KMT2D: variants seen among roughly 807,000 people sequenced by gnomAD.
The protein encoded by KMT2D is lysine methyltransferase 2D, also known as histone-lysine N-methyltransferase 2D.
In KMT2D, 55 loss-of-function variants were observed where a neutral mutation model predicts 512.7. The ratio of observed to expected loss-of-function variants is 0.11; its 90% confidence interval spans 0.09 to 0.13. The LOEUF (loss-of-function observed/expected upper bound fraction) is 0.13, where lower values mean the gene tolerates loss of function less well. Ranked by LOEUF, KMT2D falls within the 10% of genes least tolerant of loss-of-function variation. KMT2D has a pLI of 1.00. For synonymous variants in KMT2D, 2,995 were observed against 2,904.0 expected (o/e 1.03, Z -1.01); for missense variants, 6,061 against 7,127.9 (o/e 0.85, Z 5.39).
Position 49,026,411 on chromosome 12 carries a change from G to C in KMT2D, c.15555C>G (p.Phe5185Leu), listed in dbSNP as rs575965702. The C allele has an allele frequency of 6.2e-7, 1 of 1,613,932 alleles. No individual in the cohort carries two copies. Among genetic ancestry groups the C allele is most frequent in the Non-Finnish European group, 8.5e-7 (1 of 1,179,850 alleles). The change falls in exon 49 of 55, where the codon TTC (phenylalanine) becomes TTG (leucine). Residue 5185 changes from phenylalanine to leucine, a missense_variant. Phe to Leu is a conservative substitution (Grantham distance 22). Transcript: ENST00000301067. This position sits in a 1 kb window ranked among gnomAD's most constrained non-coding sequence, Gnocchi z 9.6. ...GAGGCAGCAGCTGTCCGATGGCGTG[G>C]AACACAAGGCCCCCCACACGGAACA... The part of the protein sequence containing the change: ...LHMFRVGGLV[F>L]HAIGQLLPHQ...
rs750444806 is a variant in KMT2D at position 49,052,204 on chromosome 12, G to A, written c.1479C>T (p.Pro493=). Residue 493 remains proline (P), a synonymous_variant, in exon 11 of 55, where the codon CCC becomes CCT. Transcript: ENST00000301067. ...LHLSRPLEES[P]LSPPPEESPL... is the part of the protein sequence containing the mutation. Reference sequence around the variant, plus strand: ...GAGACTCCTCAGGCGGCGGAGAGAGGGGCGATTCCTCCAGCGGCCGGGACA... The same window carrying A: ...GAGACTCCTCAGGCGGCGGAGAGAGAGGCGATTCCTCCAGCGGCCGGGACA... 5 of 1,613,116 alleles carry A rather than the reference G, an allele frequency of 3.1e-6. No individual in the cohort carries two copies. Among genetic ancestry groups the A allele is most frequent in the South Asian group, 2.2e-5 (2 of 91,056 alleles).
chr12:49,025,810 T>A (rs1942550232), intron 49 of KMT2D, among the ~76,000 whole-genome samples: 4 of 152,182 alleles, frequency 2.6e-5, no homozygotes, highest in Admixed American at 1.3e-4. Flanking sequence ...TCATTAACAC[T>A]AAAACTAAAA....
chr12:49,045,659 A>G (rs937599507), intron 19 of KMT2D, among the ~76,000 whole-genome samples: 1 of 151,908 alleles, frequency 6.6e-6, no homozygotes, highest in Admixed American at 6.6e-5. Context: ...AAAAAAAAAA[A>G]AAGAGATCTG....
rs398123724 is a variant in KMT2D at position 49,026,824 on chromosome 12, G to A, written c.15142C>T (p.Arg5048Cys). ...EGDGATDGPA[R>C]LLNLDLDLWV... ...AGGTCCAGGTCCAGGTTCAGCAGACGGGCAGGCCCATCAGTGGCCCCGTCA... is the reference window on the plus strand; with the variant it reads ...AGGTCCAGGTCCAGGTTCAGCAGACAGGCAGGCCCATCAGTGGCCCCGTCA... Residue 5048 changes from arginine to cysteine, a missense_variant, in exon 49 of 55, where the codon CGT becomes TGT. By Grantham distance (180) the Arg-to-Cys change is radical (BLOSUM62 -3). Around this residue, in one of 16 missense-constraint regions of KMT2D, gnomAD observed 14 missense variants for 53.4 expected, o/e 0.26. Coordinates refer to ENST00000301067, the MANE Select transcript of KMT2D (RefSeq NM_003482.4). The surrounding 1 kb of genome is among the most constrained non-coding windows in gnomAD (Gnocchi z 9.6). 6.2e-7 allele frequency: 1 copy of A among 1,613,328 alleles called. No homozygotes were observed. The highest frequency in any genetic ancestry group is 8.5e-7 in the Non-Finnish European group (1 of 1,179,348).
chr12:49,058,024 T>C (rs1352304882), intron 1 of KMT2D, among the ~76,000 whole-genome samples: 1 of 152,112 alleles, frequency 6.6e-6, no homozygotes, highest in African/African-American at 2.4e-5. Flanking sequence ...AAGGGGGAAA[T>C]GGACGCTTGG....
Position 49,022,869 on chromosome 12 carries a change from A to G in KMT2D, c.16059T>C (p.His5353=), listed in dbSNP as rs2137707891. Residue 5353 remains histidine, a synonymous_variant, in exon 52 of 55, where the codon CAT becomes CAC. Transcript: ENST00000301067. The surrounding 1 kb of genome is among the most constrained non-coding windows in gnomAD (Gnocchi z 8.6). ...PKILTHYKRP[H]TLNSTSMSKA... is the part of the protein sequence containing the mutation. ...TAGACATGCTGGTGCTGTTCAGGGT[A>G]TGGGGCCTGGGAGGTGATATAATCC... The G allele has an allele frequency of 1.3e-6, 2 of 1,595,404 alleles. No homozygotes were observed. Among genetic ancestry groups the G allele is most frequent in the Non-Finnish European group, 1.7e-6 (2 of 1,168,060 alleles).
rs1368185449 is a variant in KMT2D, at chr12:49,051,677, G to A, written c.2006C>T (p.Ser669Phe). 1.9e-6 allele frequency: 3 copies of A among 1,577,668 alleles called. No homozygotes were observed. The highest frequency in any genetic ancestry group is 2.6e-6 in the Non-Finnish European group (3 of 1,159,690). Residue 669 changes from serine (S) to phenylalanine (F), a missense_variant, in exon 11 of 55, where the codon TCT (serine) becomes TTT (phenylalanine). Coordinates refer to ENST00000301067, the MANE Select transcript of KMT2D (RefSeq NM_003482.4). ...VSRLSPPPEE[S>F]PLSPPPEESP... ...CTCCTCAGGCGGTGGGGACAAGGGA[G>A]ATTCCTCAGGCGGTGGAGACAGGCG...
Position 49,022,939 on chromosome 12 carries a change from T to G in KMT2D, c.16053-64A>C. On this transcript the variant is annotated intron_variant, in intron 51 of 54. Coordinates refer to ENST00000301067, the MANE Select transcript of KMT2D (RefSeq NM_003482.4). This position sits in a 1 kb window ranked among gnomAD's most constrained non-coding sequence, Gnocchi z 8.6. ...TCAGACCAAGTACATACCACCCACC[T>G]CCTCTGCCACCTCCTGGGATGTGCA... 2 of 1,460,728 alleles carry G rather than the reference T, an allele frequency of 1.4e-6. No homozygotes were observed. The highest frequency in any genetic ancestry group is 2.8e-5 in the South Asian group (2 of 71,786). The allele number at this position is 1,460,728 out of a possible 1,614,324, so 90.5% of individuals were successfully genotyped here. A position where few individuals can be genotyped will look rare whatever the true frequency, so the allele number is the denominator to read the frequency against.
chr12:49,043,622 C>G lies in KMT2D; in HGVS notation c.5467+13G>C, dbSNP rs2120570992. Reference sequence around the variant, plus strand: ...TTGGATTCTCTCACACCACTCACTCCCACATAACTAACCTTTCTGCGATGT... The same window carrying G: ...TTGGATTCTCTCACACCACTCACTCGCACATAACTAACCTTTCTGCGATGT... On this transcript the variant is annotated intron_variant, in intron 24 of 54. Transcript: ENST00000301067. 1 of 1,613,818 alleles carries G rather than the reference C, an allele frequency of 6.2e-7. No individual in the cohort carries two copies. Among genetic ancestry groups the G allele is most frequent in the Admixed American group, 1.7e-5 (1 of 60,004 alleles).
rs759084640 is a variant in KMT2D, at chr12:49,029,166, C to G, written c.14146G>C (p.Gly4716Arg). Residue 4716 changes from glycine to arginine, a missense_variant, in exon 45 of 55, where the codon GGG becomes CGG. Transcript: ENST00000301067. The stretch of plus-strand genomic sequence containing the variant: ...TGAGGGAAACGAGGGGCCTCCTCCC[C>G]CAAGATGCTCTCAGGGGATGAAGCT... ...VPASSPESILGEEAPRFPHLG... is the reference protein window; with the variant it reads ...VPASSPESILREEAPRFPHLG... 6.2e-6 allele frequency: 10 copies of G among 1,613,908 alleles called. No homozygotes were observed. The highest frequency in any genetic ancestry group is 1.1e-5 in the South Asian group (1 of 91,074).
rs2120664025 is a variant in KMT2D, at chr12:49,051,146, G to A, written c.2537C>T (p.Pro846Leu). 1 of 1,519,348 alleles carries A rather than the reference G, an allele frequency of 6.6e-7. No homozygotes were observed. Among genetic ancestry groups the A allele is most frequent in the East Asian group, 2.3e-5 (1 of 44,190 alleles). The allele number at this position is 1,519,348 out of a possible 1,614,324, so 94.1% of individuals were successfully genotyped here. A position where few individuals can be genotyped will look rare whatever the true frequency, so the allele number is the denominator to read the frequency against. The change falls in exon 11 of 55, where the codon CCT (proline) becomes CTT (leucine). Residue 846 changes from proline to leucine, a missense_variant. Transcript: ENST00000301067. ...QSEEPCLSPR[P>L]EESHLSPELE... The stretch of plus-strand genomic sequence containing the variant: ...CTCAGGGGACAGATGCGATTCCTCA[G>A]GCCGGGGGGACAGGCATGGCTCCTC...
At position 49,049,157 on chromosome 12, in the gene KMT2D, C is replaced by T. The variant is rs201530748; in HGVS notation, c.3968G>A (p.Gly1323Asp). Reference sequence around the variant, plus strand: ...TGACTTTAGCCGGGCCCGTCCTCTACCACGTCCTCCATGGGCTCCTCCACG... The same window carrying T: ...TGACTTTAGCCGGGCCCGTCCTCTATCACGTCCTCCATGGGCTCCTCCACG... ...RPRGGAHGGRGRGRARLKSTA... is the reference protein window; with the variant it reads ...RPRGGAHGGRDRGRARLKSTA... The change falls in exon 13 of 55, where the codon GGT becomes GAT. Residue 1323 changes from glycine (G) to aspartate (D), a missense_variant. Coordinates refer to ENST00000301067, the MANE Select transcript of KMT2D (RefSeq NM_003482.4). 1 of 1,612,012 alleles carries T rather than the reference C, an allele frequency of 6.2e-7. No homozygotes were observed. Among genetic ancestry groups the T allele is most frequent in the East Asian group, 2.2e-5 (1 of 44,854 alleles).
In KMT2D at chr12:49,046,044, T is replaced by C; in HGVS notation, c.4693+21A>G. On this transcript the variant is annotated intron_variant, in intron 18 of 54. Coordinates refer to ENST00000301067, the MANE Select transcript of KMT2D (RefSeq NM_003482.4). The surrounding 1 kb of genome is among the most constrained non-coding windows in gnomAD (Gnocchi z 4.2). ...GTACCCCTGCTCTGACTCCTCCCCC[T>C]ACCCAGCAGCTGGTACTCACCCACA... 2 of 1,611,622 alleles carry C rather than the reference T, an allele frequency of 1.2e-6. No homozygotes were observed. The highest frequency in any genetic ancestry group is 1.7e-6 in the Non-Finnish European group (2 of 1,178,526).
At chr12:49,035,119 G>C (rs1248082695) in intron 35 of KMT2D, among the ~76,000 whole-genome samples, 184 bp from the exon 36 acceptor site, 1 of 152,142 alleles carries the variant, frequency 6.6e-6, no homozygotes, top group Non-Finnish European at 1.5e-5. Flanking sequence ...GGACATGTGG[G>C]CCTGTTTTTA....
In KMT2D at chr12:49,051,128, G is replaced by A. The variant is rs1390987389; in HGVS notation, c.2555C>T (p.Ser852Phe). The stretch of plus-strand genomic sequence containing the variant: ...CAGGGGTGGCTTCTCAAGCTCAGGG[G>A]ACAGATGCGATTCCTCAGGCCGGGG... ...LSPRPEESHL[S>F]PELEKPPLSP... is the part of the protein sequence containing the mutation. The change falls in exon 11 of 55, where the codon TCC becomes TTC. Residue 852 changes from serine to phenylalanine, a missense_variant. By Grantham distance (155) the Ser-to-Phe change is radical (BLOSUM62 -2). Around this residue, in one of 16 missense-constraint regions of KMT2D, gnomAD observed 848 missense variants for 838.5 expected, o/e 1.01. Transcript: ENST00000301067. 5 of 1,521,708 alleles carry A rather than the reference G, an allele frequency of 3.3e-6. No individual in the cohort carries two copies. The highest frequency in any genetic ancestry group is 1.3e-5 in the South Asian group (1 of 75,626). 94.3% of individuals were successfully genotyped at this position (1,521,708 alleles called of 1,614,324 possible). A position where few individuals can be genotyped will look rare whatever the true frequency, so the allele number is the denominator to read the frequency against.
chr12:49,020,485 G>GT lies in KMT2D; in HGVS notation c.*1294dup, dbSNP rs1243878761. 1 of 198,746 alleles carries GT rather than the reference G, an allele frequency of 5.0e-6. No individual in the cohort carries two copies. The highest frequency in any genetic ancestry group is 7.6e-5 in the East Asian group (1 of 13,142). 12.3% of individuals were successfully genotyped at this position (198,746 alleles called of 1,614,324 possible). On this transcript the variant is annotated 3_prime_UTR_variant, in exon 55 of 55. Transcript: ENST00000301067. Reference sequence around the variant, plus strand: ...GTTTTACATTTGCTCTCCCCGGGGGGTGGGGGGAGAGGGGAGGGTTCTCAC... The same window carrying GT: ...GTTTTACATTTGCTCTCCCCGGGGGGTTGGGGGGAGAGGGGAGGGTTCTCAC...
intron 51 of KMT2D, among the ~76,000 whole-genome samples, chr12:49,023,843 A>G (rs1443995590): frequency 1.3e-5 from 2 of 152,238 alleles, no homozygotes; most frequent in African/African-American, 2.4e-5. Flanking sequence ...CCTAGGAGCC[A>G]CCAAAGACCT....
chr12:49,028,163 T>C lies in KMT2D; in HGVS notation c.14383-22A>G, dbSNP rs571752129. ...GGTTCTGCCAGGGCCAGGGAAGGGA[T>C]GGAAGAAACATATCAGCCAAGTGTC... is the stretch of plus-strand genomic sequence containing the variant. On this transcript the variant is annotated intron_variant, in intron 46 of 54. Transcript: ENST00000301067. The C allele has an allele frequency of 1.2e-5, 19 of 1,613,732 alleles. No individual in the cohort carries two copies. In the South Asian group the frequency reaches 1.8e-4, roughly 15 times the overall value.
At chr12:49,028,641 C>T (rs537216289) in intron 46 of KMT2D, among the ~76,000 whole-genome samples, 187 bp downstream of exon 46, 2 of 152,326 alleles carry the variant, frequency 1.3e-5, no homozygotes, top group South Asian at 2.1e-4. Flanking sequence ...CATGGGACTA[C>T]GAGCCCCGTG....
Sources: allele counts gnomAD v4.1 joint callset (sites outside exome capture counted in the v4.1 genomes callset), GRCh38; gene constraint gnomAD v4.1.1; regional missense constraint gnomAD v4.1.1; non-coding constraint Gnocchi (gnomAD v3.1); transcripts MANE v1.5; gene names NCBI Gene and HGNC (gene_info 2026-07-23, HGNC 2026-07-21).